The following TCF12 variants were observed in gnomAD, a reference collection of about 807,000 sequenced individuals.
The protein encoded by TCF12 is DNA-binding protein HTF4.
A neutral mutation model predicts 86.0 loss-of-function variants in TCF12; 45 were observed. The observed-to-expected ratio is 0.52, with a 90% CI of 0.41 to 0.67. The LOEUF is 0.67. Among genes scored for constraint, TCF12 ranks in the 30% least tolerant of loss-of-function variants. TCF12 has a pLI of 0.00. For synonymous variants in TCF12, 330 were observed against 299.6 expected (o/e 1.10, Z -1.05); for missense variants, 881 against 859.9 (o/e 1.02, Z -0.31).
intron 11 of TCF12, among the ~76,000 whole-genome samples, chr15:57,233,835 CAAG>C (rs1171158251): frequency 6.6e-6 from 1 of 152,116 alleles, no homozygotes; most frequent in Non-Finnish European, 1.5e-5. Flanking sequence ...GACAGGAAGA[CAAG>C]AAGCTTTTTT....
chr15:56,991,371 TAG>T (rs2140968531), intron 3 of TCF12, among the ~76,000 whole-genome samples: 1 of 152,318 alleles, frequency 6.6e-6, no homozygotes, highest in Admixed American at 6.5e-5. Flanking sequence ...GTTGACCAGT[TAG>T]AGACATAGGA....
At chr15:57,141,061 C>T (rs1241885367) in intron 5 of TCF12, among the ~76,000 whole-genome samples, 1 of 152,154 alleles carries the variant, frequency 6.6e-6, no homozygotes, top group Non-Finnish European at 1.5e-5. Context: ...ACTTTGGTCC[C>T]AGATGTGTTT....
At chr15:57,223,695 A>G (rs555299365) in intron 8 of TCF12, among the ~76,000 whole-genome samples, 1 of 128,238 alleles carries the variant, frequency 7.8e-6, no homozygotes, top group African/African-American at 2.7e-5. Flanking sequence ...CAAGTAAGTA[A>G]AATTACATTG....
At chr15:57,189,716 C>T (rs894399920) in intron 6 of TCF12, among the ~76,000 whole-genome samples, 13 of 152,046 alleles carry the variant, frequency 8.6e-5, no homozygotes, top group African/African-American at 3.1e-4. Context: ...CACATATGAC[C>T]CAGCAATTCC....
At chr15:57,022,810 G>C (rs1178844303) in intron 3 of TCF12, among the ~76,000 whole-genome samples, 2 of 152,110 alleles carry the variant, frequency 1.3e-5, no homozygotes, top group African/African-American at 4.8e-5. Flanking sequence ...TCATTTCTCT[G>C]ATGACCAGTG....
intron 3 of TCF12, among the ~76,000 whole-genome samples, chr15:56,964,006 A>G (rs1183865780): frequency 1.3e-5 from 2 of 152,242 alleles, no homozygotes; most frequent in Non-Finnish European, 2.9e-5. Context: ...ACTAGCAGTC[A>G]AGGAAAATAA....
intron 5 of TCF12, among the ~76,000 whole-genome samples, chr15:57,107,185 T>C (rs889451836): frequency 1.3e-5 from 2 of 152,114 alleles, no homozygotes; most frequent in African/African-American, 4.8e-5. Flanking sequence ...AGTAGGTGAA[T>C]GGATAAATCA....
intron 3 of TCF12, among the ~76,000 whole-genome samples, chr15:56,970,694 A>G (rs1410793778): frequency 6.6e-6 from 1 of 151,728 alleles, no homozygotes; most frequent in Non-Finnish European, 1.5e-5. Context: ...TGTAAAAATT[A>G]AAGATAAGAC....
In TCF12 at chr15:57,088,863, G is replaced by T. The variant is rs189059512; in HGVS notation, c.223-2926G>T. ...GGTCAACTAGATGATACATTGACGTGCTAATAGTTGTACATTTCTACAACT... is the reference window on the plus strand; with the variant it reads ...GGTCAACTAGATGATACATTGACGTTCTAATAGTTGTACATTTCTACAACT... On this transcript the variant is annotated intron_variant, in intron 4 of 20. Coordinates refer to ENST00000333725, the MANE Select transcript of TCF12 (RefSeq NM_207037.2). Among the ~76,000 whole-genome samples the T allele has an allele frequency of 2.6e-5, 4 of 151,964 alleles. No individual in the cohort carries two copies. In the East Asian group the frequency reaches 5.8e-4, roughly 22 times the overall value.
chr15:57,279,505 G>C (rs2061580197), intron 19 of TCF12, among the ~76,000 whole-genome samples: 1 of 152,198 alleles, frequency 6.6e-6, no homozygotes. Flanking sequence ...CACACACCAA[G>C]AGGTATGAAA....
intron 5 of TCF12, among the ~76,000 whole-genome samples, chr15:57,154,483 A>G (rs1216295450): frequency 6.6e-6 from 1 of 152,208 alleles, no homozygotes; most frequent in African/African-American, 2.4e-5. Context: ...ATTATATTCA[A>G]ACATATCTAC....
intron 5 of TCF12, among the ~76,000 whole-genome samples, chr15:57,129,570 A>C (rs906423252): frequency 4.6e-5 from 7 of 152,048 alleles, no homozygotes; most frequent in Non-Finnish European, 8.8e-5. Flanking sequence ...TATTGAGCAT[A>C]ATTTCATGGG....
chr15:56,995,086 A>G (rs530355213), intron 3 of TCF12, among the ~76,000 whole-genome samples: 3 of 152,196 alleles, frequency 2.0e-5, no homozygotes, highest in African/African-American at 7.2e-5. Context: ...TTAAATATGT[A>G]TGTTATAATC....
At chr15:56,958,787 G>C (rs2061613672) in intron 3 of TCF12, among the ~76,000 whole-genome samples, 1 of 152,078 alleles carries the variant, frequency 6.6e-6, no homozygotes, top group Admixed American at 6.6e-5. Flanking sequence ...CTGGGATGCA[G>C]AGACAGGAGG....
chr15:57,284,108 A>C (rs973265634), intron 20 of TCF12, among the ~76,000 whole-genome samples: 1 of 152,246 alleles, frequency 6.6e-6, no homozygotes, highest in Non-Finnish European at 1.5e-5. Context: ...CATACTCTGT[A>C]GAAAATATAG....
At chr15:56,965,545 G>A (rs2061964130) in intron 3 of TCF12, among the ~76,000 whole-genome samples, 1 of 151,972 alleles carries the variant, frequency 6.6e-6, no homozygotes, top group Non-Finnish European at 1.5e-5. Flanking sequence ...CATCCTGTTT[G>A]GAAAAGAATC....
intron 3 of TCF12, among the ~76,000 whole-genome samples, chr15:56,961,841 GATATAAA>G (rs1178284336): frequency 1.3e-5 from 2 of 152,094 alleles, no homozygotes; most frequent in East Asian, 3.8e-4. Context: ...ACTAGGTGGT[GATATAAA>G]ATATGTTTAA....
At chr15:56,954,943 A>G (rs1398422841) in intron 3 of TCF12, among the ~76,000 whole-genome samples, 1 of 152,172 alleles carries the variant, frequency 6.6e-6, no homozygotes, top group Non-Finnish European at 1.5e-5. Context: ...ACGCTTTTAC[A>G]CTGTTGGTGG....
At chr15:56,922,058 C>T (rs1246556058) in intron 3 of TCF12, among the ~76,000 whole-genome samples, 3 of 151,962 alleles carry the variant, frequency 2.0e-5, no homozygotes, top group South Asian at 2.1e-4. Context: ...CATCATGAAA[C>T]GATAGGCAAG....
Sources: allele counts gnomAD v4.1 joint callset (sites outside exome capture counted in the v4.1 genomes callset), GRCh38; gene constraint gnomAD v4.1.1; transcripts MANE v1.5; gene names NCBI Gene and HGNC (gene_info 2026-07-23, HGNC 2026-07-21).